The following CSMD1 variants were observed in gnomAD, a reference collection of about 807,000 sequenced individuals.
CSMD1 encodes CUB and Sushi multiple domains 1.
CSMD1 carries 213 observed loss-of-function variants against 417.5 expected under a neutral mutation model. The observed-to-expected ratio is 0.51, with a 90% CI of 0.46 to 0.57. CSMD1 has a LOEUF of 0.57. CSMD1 is among the 20% of genes least tolerant of loss of function. The pLI, the probability that CSMD1 is intolerant of heterozygous loss-of-function variation, is 0.00. For missense variants in CSMD1, 6,923 were observed against 4,529.7 expected (o/e 1.53, Z -15.17); for synonymous variants, 2,862 against 1,736.8 (o/e 1.65, Z -16.11).
At chr8:3,757,654 A>G (rs887109593) in intron 5 of CSMD1, among the ~76,000 whole-genome samples, 1 of 152,038 alleles carries the variant, frequency 6.6e-6, no homozygotes, top group East Asian at 1.9e-4. Context: ...CCTGAGGTCA[A>G]GAGTTCAAGA....
intron 10 of CSMD1, among the ~76,000 whole-genome samples, chr8:3,564,996 C>G (rs1230172274): frequency 8.0e-6 from 1 of 125,240 alleles, no homozygotes; most frequent in African/African-American, 3.2e-5. Flanking sequence ...GGCTTAATAC[C>G]TAGGTGATGG....
intron 2 of CSMD1, among the ~76,000 whole-genome samples, chr8:4,532,345 A>T (rs751152424): frequency 1.3e-4 from 19 of 151,468 alleles, no homozygotes; most frequent in Non-Finnish European, 2.5e-4. Context: ...TCACTCTGAA[A>T]GAGAAATCCT....
intron 5 of CSMD1, among the ~76,000 whole-genome samples, chr8:3,771,667 G>A (rs1022022589): frequency 3.9e-5 from 6 of 152,154 alleles, no homozygotes; most frequent in African/African-American, 1.4e-4. Context: ...GCAAAACACA[G>A]GAGGAAGAGA....
intron 3 of CSMD1, among the ~76,000 whole-genome samples, chr8:4,342,595 G>C (rs1471800540): frequency 6.6e-6 from 1 of 151,358 alleles, no homozygotes; most frequent in Non-Finnish European, 1.5e-5. Flanking sequence ...AGGTTACTGG[G>C]AAAAAAAAGA....
chr8:4,621,566 T>C (rs1383231158), intron 2 of CSMD1, among the ~76,000 whole-genome samples: 1 of 152,126 alleles, frequency 6.6e-6, no homozygotes, highest in East Asian at 1.9e-4. Flanking sequence ...ATTTAAGATT[T>C]CTAAAAGAAA....
intron 3 of CSMD1, among the ~76,000 whole-genome samples, chr8:4,250,376 G>C (rs560256384): frequency 1.3e-5 from 2 of 152,250 alleles, no homozygotes; most frequent in South Asian, 2.1e-4. Flanking sequence ...TCTGTGCATA[G>C]TGTCCCCAAG....
At chr8:3,446,949 G>A (rs191808479) in intron 12 of CSMD1, among the ~76,000 whole-genome samples, 40 of 152,256 alleles carry the variant, frequency 2.6e-4, no homozygotes, top group African/African-American at 8.2e-4. Context: ...CATGTTGTCT[G>A]CTCACACATA....
intron 17 of CSMD1, among the ~76,000 whole-genome samples, chr8:3,393,741 A>G (rs1811490632): frequency 2.0e-5 from 3 of 151,970 alleles, no homozygotes; most frequent in South Asian, 2.1e-4. Flanking sequence ...TGGCAAAGAC[A>G]AAAAACCAAA....
chr8:3,120,709 G>GGGC (rs1554431393), intron 41 of CSMD1, among the ~76,000 whole-genome samples: 2 of 150,580 alleles, frequency 1.3e-5, no homozygotes, highest in African/African-American at 4.9e-5. Flanking sequence ...TAGCCAGGGG[G>GGGC]GGTGACCGGC....
chr8:3,844,277 T>C (rs1328076769), intron 5 of CSMD1, among the ~76,000 whole-genome samples: 3 of 152,134 alleles, frequency 2.0e-5, no homozygotes, highest in Non-Finnish European at 1.5e-5. Flanking sequence ...GTGGGTGATA[T>C]TTAGTGAGTC....
intron 26 of CSMD1, among the ~76,000 whole-genome samples, chr8:3,258,308 A>G (rs1024467482): frequency 3.3e-5 from 5 of 152,220 alleles, no homozygotes; most frequent in African/African-American, 1.2e-4. Flanking sequence ...ACTTTTTAAA[A>G]GAAGACATAC....
chr8:3,244,214 G>A (rs1477870869), intron 26 of CSMD1, among the ~76,000 whole-genome samples: 2 of 152,190 alleles, frequency 1.3e-5, no homozygotes, highest in Non-Finnish European at 2.9e-5. Context: ...AGATGCTATT[G>A]CGAGGCTGGT....
chr8:4,917,200 A>C (rs1806124077), intron 1 of CSMD1, among the ~76,000 whole-genome samples: 1 of 152,182 alleles, frequency 6.6e-6, no homozygotes, highest in Non-Finnish European at 1.5e-5. Context: ...GAGGTGCTAC[A>C]CACTTTAAAA....
intron 12 of CSMD1, among the ~76,000 whole-genome samples, chr8:3,423,637 C>G (rs772584545): frequency 1.3e-5 from 2 of 152,212 alleles, no homozygotes; most frequent in African/African-American, 4.8e-5. Context: ...TTGTCACCAG[C>G]TGATGGGCAT....
intron 3 of CSMD1, among the ~76,000 whole-genome samples, chr8:4,245,262 G>A (rs903136175): frequency 2.0e-5 from 3 of 152,148 alleles, no homozygotes; most frequent in Non-Finnish European, 4.4e-5. Context: ...ATTACGCAAT[G>A]AATTATATAA....
chr8:3,638,484 C>T (rs111612328), intron 7 of CSMD1, among the ~76,000 whole-genome samples: 43 of 151,780 alleles, frequency 2.8e-4, no homozygotes, highest in African/African-American at 9.9e-4. Flanking sequence ...AACCTGGAGA[C>T]GTGATGATAA....
intron 3 of CSMD1, among the ~76,000 whole-genome samples, chr8:4,166,634 A>C (rs543516271): frequency 4.3e-4 from 65 of 152,266 alleles, no homozygotes; most frequent in South Asian, 1.5e-3. Context: ...AGGGGACAGA[A>C]GACTGCATAT....
rs146492668 is a variant in CSMD1 at position 3,526,543 on chromosome 8, C to T, written c.1345-32817G>A. ...AAAAGCAAGCTCCCAGGAATGGGAACGGCCCCAGAGTGTCACTAATGCATC... is the reference window on the plus strand; with the variant it reads ...AAAAGCAAGCTCCCAGGAATGGGAATGGCCCCAGAGTGTCACTAATGCATC... On this transcript the variant is annotated intron_variant, in intron 10 of 69. Coordinates refer to ENST00000635120, the MANE Select transcript of CSMD1 (RefSeq NM_033225.6). Among the ~76,000 whole-genome samples the T allele has an allele frequency of 5.1e-3, 774 of 152,278 alleles. 5 individuals are homozygous for T. Among genetic ancestry groups the T allele is most frequent in the African/African-American group, 0.017 (722 of 41,548 alleles).
chr8:4,190,638 G>C (rs1444739133), intron 3 of CSMD1, among the ~76,000 whole-genome samples: 2 of 151,556 alleles, frequency 1.3e-5, no homozygotes, highest in South Asian at 2.1e-4. Context: ...AATAATATTA[G>C]TGTTGTAATG....
Sources: gnomAD v4.1 joint callset for allele counts (sites outside exome capture counted in the v4.1 genomes callset) on GRCh38, gnomAD v4.1.1 for gene constraint, MANE v1.5 for transcripts, NCBI Gene and HGNC (gene_info 2026-07-23, HGNC 2026-07-21) for gene names.